NLGN4Y: variants seen among roughly 807,000 people sequenced by gnomAD.
The protein encoded by NLGN4Y is neuroligin 4 Y-linked.
A neutral mutation model predicts 8.4 loss-of-function variants in NLGN4Y; 4 were observed. That is an observed-to-expected ratio of 0.48 (90% CI 0.23 to 1.09). The LOEUF (loss-of-function observed/expected upper bound fraction) is 1.09. Among genes scored for constraint, NLGN4Y ranks in the 50% least tolerant of loss-of-function variants. The pLI is 0.19. For missense variants in NLGN4Y, 90 were observed against 192.3 expected (o/e 0.47, Z 3.15); for synonymous variants, 35 against 75.6 (o/e 0.46, Z 2.78).
chrY:14,634,394 C>G, intron 2 of NLGN4Y, among the ~76,000 whole-genome samples: 1 of 32,951 alleles, frequency 3.0e-5, no homozygotes. Flanking sequence ...TTTAGGCCAG[C>G]CTGGGCAACA....
Position 14,546,505 on chromosome Y carries a change from T to C in NLGN4Y, c.-112+21797T>C. Among the ~76,000 whole-genome samples the C allele has an allele frequency of 1.7e-4, 5 of 30,189 alleles. No homozygotes were observed. The South Asian group carries it at 4.1e-3, about 25-fold the overall frequency. The allele number at this position is 30,189 out of a possible 37,273, so 81.0% of individuals were successfully genotyped here. A position where few individuals can be genotyped will look rare whatever the true frequency, so the allele number is the denominator to read the frequency against. ...AGAGGTCATTCACATCCCTTGTAAG[T>C]TGGATTCCTAGGTATTTTATTCTCT... On this transcript the variant is annotated intron_variant, in intron 1 of 6. Transcript: ENST00000684976.
intron 4 of NLGN4Y, among the ~76,000 whole-genome samples, chrY:14,777,137 T>A (rs747980318): frequency 2.9e-5 from 1 of 33,986 alleles, no homozygotes; most frequent in Non-Finnish European, 7.3e-5. Flanking sequence ...ATTTTTTCTA[T>A]GATTAAATAT....
At chrY:14,650,299 T>G in intron 2 of NLGN4Y, among the ~76,000 whole-genome samples, 1 of 33,179 alleles carries the variant, frequency 3.0e-5, no homozygotes, top group African/African-American at 1.2e-4. Context: ...GCCTGGGCAG[T>G]ATAGCAAAAG....
chrY:14,680,721 A>G (rs2080765702), intron 2 of NLGN4Y, among the ~76,000 whole-genome samples: 1 of 33,363 alleles, frequency 3.0e-5, no homozygotes, highest in African/African-American at 1.2e-4. Flanking sequence ...TCCCAGTATC[A>G]TGGTGCCCAT....
chrY:14,588,838 G>A (rs1603500526), intron 1 of NLGN4Y, among the ~76,000 whole-genome samples: 5 of 31,699 alleles, frequency 1.6e-4, no homozygotes, highest in African/African-American at 6.3e-4. Flanking sequence ...TGGTGGGTTC[G>A]TGGTCTCGCT....
At chrY:14,596,285 C>T in intron 1 of NLGN4Y, among the ~76,000 whole-genome samples, 4 of 33,120 alleles carry the variant, frequency 1.2e-4, no homozygotes, top group African/African-American at 2.4e-4. Context: ...TTGGTGAGCC[C>T]GGGTGCCTAA....
At chrY:14,817,731 G>A (rs2043107559) in intron 4 of NLGN4Y, among the ~76,000 whole-genome samples, 1 of 33,269 alleles carries the variant, frequency 3.0e-5, no homozygotes, top group African/African-American at 1.2e-4. Flanking sequence ...GACCGTCCAT[G>A]TAAGTTGGGA....
intron 2 of NLGN4Y, among the ~76,000 whole-genome samples, chrY:14,700,771 G>A (rs905371326): frequency 3.6e-4 from 12 of 33,228 alleles, no homozygotes; most frequent in African/African-American, 1.4e-3. Flanking sequence ...CTTTTAAGAA[G>A]GCTACAAAGT....
At chrY:14,581,088 C>A in intron 1 of NLGN4Y, among the ~76,000 whole-genome samples, 1 of 31,200 alleles carries the variant, frequency 3.2e-5, no homozygotes, top group South Asian at 7.3e-4. Flanking sequence ...ACAAAAATTA[C>A]GCAGTGTACT....
chrY:14,675,733 G>A (rs2080746716), intron 2 of NLGN4Y, among the ~76,000 whole-genome samples: 1 of 32,360 alleles, frequency 3.1e-5, no homozygotes, highest in Non-Finnish European at 7.5e-5. Context: ...TCATCAAATG[G>A]CACAGGGGTA....
intron 4 of NLGN4Y, among the ~76,000 whole-genome samples, chrY:14,771,841 G>C: frequency 3.0e-5 from 1 of 33,199 alleles, no homozygotes; most frequent in Non-Finnish European, 7.4e-5. Flanking sequence ...TCACAATAAA[G>C]GGATGGAGGA....
At chrY:14,700,265 T>C (rs767500179) in intron 2 of NLGN4Y, among the ~76,000 whole-genome samples, 6 of 33,270 alleles carry the variant, frequency 1.8e-4, no homozygotes, top group African/African-American at 7.0e-4. Flanking sequence ...TTGTGATGTT[T>C]ATGGGACCCA....
intron 2 of NLGN4Y, among the ~76,000 whole-genome samples, chrY:14,680,467 G>A: frequency 3.0e-5 from 1 of 33,035 alleles, no homozygotes; most frequent in Non-Finnish European, 7.5e-5. Context: ...ATTCCCAGAA[G>A]TTAGGAGCTC....
intron 2 of NLGN4Y, among the ~76,000 whole-genome samples, chrY:14,649,021 T>A: frequency 3.3e-5 from 1 of 30,305 alleles, no homozygotes; most frequent in Admixed American, 3.1e-4. Flanking sequence ...AAAAAAAAAA[T>A]TGATATTTTC....
intron 2 of NLGN4Y, among the ~76,000 whole-genome samples, chrY:14,695,499 G>A (rs2080824699): frequency 3.0e-5 from 1 of 32,804 alleles, no homozygotes; most frequent in Non-Finnish European, 7.5e-5. Context: ...AAATGCCCAT[G>A]TAGACAGCTG....
intron 1 of NLGN4Y, among the ~76,000 whole-genome samples, chrY:14,606,956 T>C: frequency 3.1e-5 from 1 of 32,679 alleles, no homozygotes; most frequent in Non-Finnish European, 7.5e-5. Flanking sequence ...CTTAGGAAAA[T>C]TAAAAATCTC....
In NLGN4Y at chrY:14,645,883, A is replaced by G. The variant is rs781415035; in HGVS notation, c.472+23292A>G. ...GATGATGATGGTTATGATGATGGTGATGGTGATAATATGGTTGATGAGGAT... is the reference window on the plus strand; with the variant it reads ...GATGATGATGGTTATGATGATGGTGGTGGTGATAATATGGTTGATGAGGAT... On this transcript the variant is annotated intron_variant, in intron 2 of 6. Transcript: ENST00000684976. Among the ~76,000 whole-genome samples, 9 of 32,777 alleles carry G rather than the reference A, an allele frequency of 2.7e-4. No individual in the cohort carries two copies. The East Asian group carries it at 7.4e-3, about 27-fold the overall frequency. The allele number at this position is 32,777 out of a possible 37,273, so 87.9% of individuals were successfully genotyped here.
chrY:14,598,163 G>A, intron 1 of NLGN4Y, among the ~76,000 whole-genome samples: 1 of 35,028 alleles, frequency 2.9e-5, no homozygotes, highest in Non-Finnish European at 7.2e-5. Flanking sequence ...GGGGCTACAC[G>A]TGGAGCTGAC....
chrY:14,557,948 A>G, intron 1 of NLGN4Y, among the ~76,000 whole-genome samples: 1 of 32,757 alleles, frequency 3.1e-5, no homozygotes, highest in Non-Finnish European at 7.5e-5. Flanking sequence ...TGGGGGGTAA[A>G]TGTAATGAAA....
Sources: gnomAD v4.1 joint callset for allele counts (sites outside exome capture counted in the v4.1 genomes callset) on GRCh38, gnomAD v4.1.1 for gene constraint, MANE v1.5 for transcripts, NCBI Gene and HGNC (gene_info 2026-07-23, HGNC 2026-07-21) for gene names.